The following CYLD variants were observed in gnomAD, a reference collection of about 807,000 sequenced individuals.
The protein encoded by CYLD is CYLD lysine 63 deubiquitinase.
CYLD carries 26 observed loss-of-function variants against 104.5 expected under a neutral mutation model. The observed-to-expected ratio is 0.25, with a 90% CI of 0.18 to 0.35. The LOEUF (loss-of-function observed/expected upper bound fraction) is 0.35, where lower values mean the gene tolerates loss of function less well. CYLD is among the 10% of genes least tolerant of loss of function. CYLD has a pLI of 1.00. For synonymous variants in CYLD, 385 were observed against 399.9 expected, an observed-to-expected ratio of 0.96 and a Z score of 0.45; for missense variants, 703 against 1,136.1, an observed-to-expected ratio of 0.62 and a Z score of 5.48.
intron 5 of CYLD, among the ~76,000 whole-genome samples, chr16:50,756,342 CATCTA>C (rs1967240531): frequency 6.6e-6 from 1 of 152,162 alleles, no homozygotes; most frequent in Non-Finnish European, 1.5e-5. Context: ...AGACATTGGT[CATCTA>C]ATCTAATCTA....
intron 7 of CYLD, among the ~76,000 whole-genome samples, chr16:50,777,271 G>A (rs916005110): frequency 9.2e-5 from 14 of 152,202 alleles, no homozygotes; most frequent in Non-Finnish European, 1.0e-4. Flanking sequence ...AGCTACACTC[G>A]CCCTCTCACG....
At chr16:50,762,429 C>G (rs1343998460) in intron 5 of CYLD, among the ~76,000 whole-genome samples, 1 of 152,062 alleles carries the variant, frequency 6.6e-6, no homozygotes, top group African/African-American at 2.4e-5. Context: ...GCGTATAAAT[C>G]AAGTTTCCAG....
At chr16:50,760,105 G>A (rs193086165) in intron 5 of CYLD, among the ~76,000 whole-genome samples, 75 of 152,138 alleles carry the variant, frequency 4.9e-4, no homozygotes, top group African/African-American at 1.7e-3. Context: ...GTACTTATCC[G>A]TCACGTTTTC....
chr16:50,782,261 A>T, intron 10 of CYLD, 64 bp from the exon 11 acceptor site: 1 of 1,221,458 alleles, frequency 8.2e-7, no homozygotes, highest in Non-Finnish European at 1.1e-6. Context: ...TATTTATGGG[A>T]ATACATATTG....
At chr16:50,748,733 T>C (rs1666686005) in intron 2 of CYLD, among the ~76,000 whole-genome samples, 1 of 152,112 alleles carries the variant, frequency 6.6e-6, no homozygotes, top group Non-Finnish European at 1.5e-5. Context: ...ATTTGAGAAA[T>C]CAGATAACTA....
At chr16:50,754,488 A>G in intron 5 of CYLD, 64 bp downstream of exon 5, 3 of 1,079,094 alleles carry the variant, frequency 2.8e-6, no homozygotes, top group South Asian at 1.4e-5. Context: ...TTATTTTTTT[A>G]TATCAATATG....
chr16:50,784,181 T>C, intron 11 of CYLD, 148 bp from the exon 12 acceptor site: 1 of 764,202 alleles, frequency 1.3e-6, no homozygotes, highest in Non-Finnish European at 2.2e-6. Context: ...TTCACAGGGG[T>C]CCTGGTACCT....
intron 5 of CYLD, among the ~76,000 whole-genome samples, chr16:50,756,097 A>G (rs562914752): frequency 7.0e-4 from 107 of 152,332 alleles, no homozygotes; most frequent in African/African-American, 2.5e-3. Flanking sequence ...CTTGACTTTT[A>G]TATTATGGAA....
At chr16:50,750,604 C>G (rs1221241259) in intron 3 of CYLD, among the ~76,000 whole-genome samples, 1 of 151,876 alleles carries the variant, frequency 6.6e-6, no homozygotes, top group Non-Finnish European at 1.5e-5. Context: ...TGATGAATTG[C>G]GAAGATGTAA....
At chr16:50,744,486 G>C (rs1360550188) in intron 2 of CYLD, among the ~76,000 whole-genome samples, 2 of 152,172 alleles carry the variant, frequency 1.3e-5, no homozygotes, top group African/African-American at 4.8e-5. Flanking sequence ...TTTATAATTA[G>C]GGGCAGAATT....
intron 2 of CYLD, among the ~76,000 whole-genome samples, chr16:50,747,834 C>G (rs781097713): frequency 1.2e-4 from 19 of 152,220 alleles, no homozygotes; most frequent in Admixed American, 2.0e-4. Context: ...TGCTTTTACC[C>G]TCACTGAGTG....
chr16:50,757,198 C>T (rs973574813), intron 5 of CYLD, among the ~76,000 whole-genome samples: 14 of 151,080 alleles, frequency 9.3e-5, no homozygotes, highest in Non-Finnish European at 1.6e-4. Flanking sequence ...TTTTAGCGTG[C>T]ACTGTTTGCG....
chr16:50,786,951 C>A lies in CYLD; in HGVS notation c.2041+5C>A. Reference sequence around the variant, plus strand: ...GATTTACCTCTGAAGAAAAAGGTGACCATCTTAACTTATATGCGTTAAAAA... The same window carrying A: ...GATTTACCTCTGAAGAAAAAGGTGAACATCTTAACTTATATGCGTTAAAAA... On this transcript the variant is annotated splice_donor_5th_base_variant and intron_variant, in intron 13 of 18. Coordinates refer to ENST00000427738, the MANE Select transcript of CYLD (RefSeq NM_001378743.1). 2 of 1,608,154 alleles carry A rather than the reference C, an allele frequency of 1.2e-6. No homozygotes were observed. Among genetic ancestry groups the A allele is most frequent in the East Asian group, 2.2e-5 (1 of 44,792 alleles).
chr16:50,767,363 C>T (rs372733296), intron 5 of CYLD, among the ~76,000 whole-genome samples: 1 of 152,022 alleles, frequency 6.6e-6, no homozygotes, highest in Non-Finnish European at 1.5e-5. Context: ...GAAACAAAAA[C>T]ACTTGTGTGA....
Position 50,777,853 on chromosome 16 carries a change from CAGATCT to C in CYLD, c.1051_1056del (p.Arg351_Ser352del). 2 of 1,605,238 alleles carry C rather than the reference CAGATCT, an allele frequency of 1.2e-6. No homozygotes were observed. Among genetic ancestry groups the C allele is most frequent in the South Asian group, 2.2e-5 (2 of 90,844 alleles). On this transcript the variant is annotated inframe_deletion, in exon 8 of 19. Coordinates refer to ENST00000427738, the MANE Select transcript of CYLD (RefSeq NM_001378743.1). ...CTACCTCAGACCCTGGAAATAGAAA[CAGATCT>C]GAATTATTTTATACCTTAAATGGGT...
Position 50,796,338 on chromosome 16 carries a change from T to G in CYLD, c.2701T>G (p.Phe901Val), listed in dbSNP as rs1184005401. Residue 901 changes from phenylalanine (F) to valine (V), a missense_variant, in exon 19 of 19, where the codon TTC becomes GTC. Physicochemically the swap from Phe to Val is conservative, Grantham distance 50. Around this residue, in one of 5 missense-constraint regions of CYLD, gnomAD observed 130 missense variants for 220.2 expected, o/e 0.59. Coordinates refer to ENST00000427738, the MANE Select transcript of CYLD (RefSeq NM_001378743.1). ...CTGTGCCATAGGTGGTCAGAATGGC[T>G]TCAACATTCCTCAAGTCACCCCATG... Reference protein sequence around the residue: ...MADRDGGQNGFNIPQVTPCPE... With the variant: ...MADRDGGQNGVNIPQVTPCPE... 1 of 1,614,178 alleles carries G rather than the reference T, an allele frequency of 6.2e-7. No individual in the cohort carries two copies. The highest frequency in any genetic ancestry group is 2.2e-5 in the East Asian group (1 of 44,882).
chr16:50,773,650 A>T (rs186239057), intron 5 of CYLD, among the ~76,000 whole-genome samples: 86 of 152,270 alleles, frequency 5.6e-4, no homozygotes, highest in African/African-American at 1.8e-3. Flanking sequence ...AGCTGAATTT[A>T]TCTTACCTTG....
At chr16:50,743,827 A>G (rs1181501784) in intron 2 of CYLD, among the ~76,000 whole-genome samples, 2 of 152,170 alleles carry the variant, frequency 1.3e-5, no homozygotes, top group Admixed American at 6.5e-5. Context: ...TTCTTCTTAT[A>G]TGTATAACAA....
chr16:50,776,725 A>G (rs1026314536), intron 7 of CYLD, among the ~76,000 whole-genome samples: 1 of 152,190 alleles, frequency 6.6e-6, no homozygotes, highest in African/African-American at 2.4e-5. Context: ...CTTCCTCACA[A>G]TATGTGTGGA....
Sources: gnomAD v4.1 joint callset for allele counts (sites outside exome capture counted in the v4.1 genomes callset) on GRCh38, gnomAD v4.1.1 for gene constraint, gnomAD v4.1.1 regional missense constraint, MANE v1.5 for transcripts, NCBI Gene and HGNC (gene_info 2026-07-23, HGNC 2026-07-21) for gene names.